The following POLB variants were observed in gnomAD, a reference collection of about 807,000 sequenced individuals.
POLB encodes the protein 5'-dRP lyase.
POLB carries 37 observed loss-of-function variants against 52.7 expected under a neutral mutation model. The observed-to-expected ratio is 0.70, with a 90% CI of 0.54 to 0.92. The LOEUF is 0.92. Among genes scored for constraint, POLB ranks in the 40% least tolerant of loss-of-function variants. The pLI is 0.00. For synonymous variants in POLB, 138 were observed against 131.3 expected (o/e 1.05, Z -0.35); for missense variants, 313 against 400.8 (o/e 0.78, Z 1.87).
At chr8:42,361,168 G>T in intron 9 of POLB, 127 bp from the exon 10 acceptor site, 1 of 732,222 alleles carries the variant, frequency 1.4e-6, no homozygotes, top group South Asian at 1.5e-5. Context: ...TTCTAACTAT[G>T]AAGCACAGTG....
Position 42,338,535 on chromosome 8 carries a change from C to A in POLB, c.-90C>A, listed in dbSNP as rs751312733. 6.8e-6 allele frequency: 8 copies of A among 1,185,154 alleles called. No homozygotes were observed. The highest frequency in any genetic ancestry group is 5.2e-5 in the Admixed American group (3 of 58,174). The allele number at this position is 1,185,154 out of a possible 1,614,324, so 73.4% of individuals were successfully genotyped here. On this transcript the variant is annotated 5_prime_UTR_variant, in exon 1 of 14. Transcript: ENST00000265421. The stretch of plus-strand genomic sequence containing the variant: ...CGCCGGAGCTGGGTTGCTCCTGCTC[C>A]CGTCTCCAAGTCCTGGTACCTCCTT...
chr8:42,342,330 G>C, intron 2 of POLB: 1 of 1,516,716 alleles, frequency 6.6e-7, no homozygotes, highest in Non-Finnish European at 9.0e-7. Flanking sequence ...CCAGCAGCAG[G>C]CCAGTACAAT....
chr8:42,358,767 G>T (rs1281353722), intron 9 of POLB, among the ~76,000 whole-genome samples: 1 of 152,112 alleles, frequency 6.6e-6, no homozygotes, highest in Non-Finnish European at 1.5e-5. Flanking sequence ...GGGGTCTGAG[G>T]CCAAATCTAC....
chr8:42,349,231 T>C (rs1822817252), intron 4 of POLB, 141 bp downstream of exon 4: 2 of 539,364 alleles, frequency 3.7e-6, no homozygotes, highest in Admixed American at 7.3e-5. Context: ...TGGCTTTAAC[T>C]TTTTGAATGT....
In POLB at chr8:42,349,989, CTTT is replaced by C; in HGVS notation, c.262-10_262-8del. 2 of 1,424,186 alleles carry C rather than the reference CTTT, an allele frequency of 1.4e-6. No individual in the cohort carries two copies. The highest frequency in any genetic ancestry group is 2.5e-5 in the East Asian group (1 of 40,790). 88.2% of individuals were successfully genotyped at this position (1,424,186 alleles called of 1,614,324 possible). On this transcript the variant is annotated splice_polypyrimidine_tract_variant and intron_variant, in intron 4 of 13. Transcript: ENST00000265421. Reference sequence around the variant, plus strand: ...AAAGCATTCCTAAATCATTGTTAGACTTTTTTTTTTCTTAAAGATTCGGCAGGA... The same window carrying C: ...AAAGCATTCCTAAATCATTGTTAGACTTTTTTTCTTAAAGATTCGGCAGGA...
At chr8:42,353,631 TATGTATACATATGGATTC>T (rs755253193) in intron 6 of POLB, among the ~76,000 whole-genome samples, 256 of 152,220 alleles carry the variant, frequency 1.7e-3, no homozygotes, top group Non-Finnish European at 2.5e-3. Context: ...TTCATGGGTG[TATGTATACATATGGATTC>T]ATTACAGCAT....
intron 3 of POLB, among the ~76,000 whole-genome samples, chr8:42,345,393 G>A (rs553169757): frequency 2.4e-4 from 37 of 152,288 alleles, no homozygotes; most frequent in African/African-American, 8.9e-4. Flanking sequence ...AGGAACCTAT[G>A]TGAGTTAGTG....
chr8:42,346,295 A>G (rs1822607609), intron 3 of POLB, among the ~76,000 whole-genome samples: 1 of 152,184 alleles, frequency 6.6e-6, no homozygotes, highest in Non-Finnish European at 1.5e-5. Flanking sequence ...AATGTTTCAC[A>G]AATGTCCTCT....
chr8:42,363,905 T>A (rs867407752), intron 11 of POLB, among the ~76,000 whole-genome samples: 2 of 150,568 alleles, frequency 1.3e-5, no homozygotes, highest in Non-Finnish European at 2.9e-5. Flanking sequence ...GGAAGGCAGA[T>A]AGAAATCTAG....
chr8:42,350,537 G>A (rs988990129), intron 5 of POLB, among the ~76,000 whole-genome samples: 2 of 151,932 alleles, frequency 1.3e-5, no homozygotes, highest in African/African-American at 2.4e-5. Context: ...TCAGCATCCC[G>A]AGTAGCTTGG....
At chr8:42,339,716 A>T in intron 2 of POLB, 1 of 149,388 alleles carries the variant, frequency 6.7e-6, no homozygotes. Context: ...CACCCAGCTA[A>T]TTTTTTTTTC....
At chr8:42,344,909 T>C (rs1822513332) in intron 2 of POLB, 44 bp from the exon 3 acceptor site, 18 of 1,209,316 alleles carry the variant, frequency 1.5e-5, no homozygotes, top group Non-Finnish European at 2.2e-5. Context: ...AATTAAGGCC[T>C]TGATGGATTT....
In POLB at chr8:42,369,278, G is replaced by A; in HGVS notation, c.716G>A (p.Cys239Tyr). 1 of 1,570,032 alleles carries A rather than the reference G, an allele frequency of 6.4e-7. No homozygotes were observed. The highest frequency in any genetic ancestry group is 8.8e-7 in the Non-Finnish European group (1 of 1,141,518). Residue 239 changes from cysteine (C) to tyrosine (Y), a missense_variant, in exon 12 of 14, where the codon TGC becomes TAC. Cys to Tyr is a radical substitution (Grantham distance 194, BLOSUM62 -2). This residue lies in a region of POLB where 246 missense variants were observed against 297.6 expected (regional missense o/e 0.83). Coordinates refer to ENST00000265421, the MANE Select transcript of POLB (RefSeq NM_002690.3). ...TTAAAATGTTCATTTTAGGGTGTTT[G>A]CCAGCTTCCCAGTAAAAATGATGAA... ...SKGETKFMGV[C>Y]QLPSKNDEKE...
intron 7 of POLB, 114 bp from the exon 8 acceptor site, chr8:42,357,055 T>G: frequency 1.3e-5 from 8 of 633,094 alleles, no homozygotes; most frequent in Non-Finnish European, 1.4e-5. Context: ...CTAGCCTTGA[T>G]TTGTGAGAAT....
At chr8:42,356,608 TA>T (rs944626049) in intron 7 of POLB, among the ~76,000 whole-genome samples, 4 of 151,878 alleles carry the variant, frequency 2.6e-5, no homozygotes, top group African/African-American at 9.7e-5. Context: ...TGCCTCCCCT[TA>T]CCCCCACCTC....
chr8:42,371,508 A>G (rs1346109445), intron 13 of POLB, 55 bp from the exon 14 acceptor site: 5 of 1,012,846 alleles, frequency 4.9e-6, no homozygotes, highest in African/African-American at 1.6e-5. Flanking sequence ...TGAACCCTCT[A>G]TAACTAAACT....
Position 42,339,146 on chromosome 8 carries a change from G to A in POLB, c.119+77G>A, listed in dbSNP as rs370994381. 171 of 1,091,980 alleles carry A rather than the reference G, an allele frequency of 1.6e-4. 1 individual carries two copies. In the African/African-American group the frequency reaches 2.4e-3, roughly 15 times the overall value. 67.6% of individuals were successfully genotyped at this position (1,091,980 alleles called of 1,614,324 possible). A position where few individuals can be genotyped will look rare whatever the true frequency, so the allele number is the denominator to read the frequency against. Reference sequence around the variant, plus strand: ...AGTGTGGCAATTAACAGGACTGAGGGCCCAGTGGATATTTGGTCCATCTGC... The same window carrying A: ...AGTGTGGCAATTAACAGGACTGAGGACCCAGTGGATATTTGGTCCATCTGC... On this transcript the variant is annotated intron_variant, in intron 2 of 13. Coordinates refer to ENST00000265421, the MANE Select transcript of POLB (RefSeq NM_002690.3).
At chr8:42,351,256 T>C (rs1292107352) in intron 5 of POLB, among the ~76,000 whole-genome samples, 2 of 152,214 alleles carry the variant, frequency 1.3e-5, no homozygotes, top group Non-Finnish European at 2.9e-5. Context: ...CAGAGCCAGA[T>C]TTGAACCCAT....
Position 42,357,152 on chromosome 8 carries a change from T to G in POLB, c.423-17T>G. The stretch of plus-strand genomic sequence containing the variant: ...AATTTTACGAAAATCTTTTGTCTAC[T>G]TATTCTGTCTTTATAGATATTTTGG... On this transcript the variant is annotated splice_polypyrimidine_tract_variant and intron_variant, in intron 7 of 13. Transcript: ENST00000265421. 1 of 1,398,844 alleles carries G rather than the reference T, an allele frequency of 7.1e-7. No individual in the cohort carries two copies. The highest frequency in any genetic ancestry group is 1.0e-6 in the Non-Finnish European group (1 of 997,496). 86.7% of individuals were successfully genotyped at this position (1,398,844 alleles called of 1,614,324 possible). A position where few individuals can be genotyped will look rare whatever the true frequency, so the allele number is the denominator to read the frequency against.
Sources: gnomAD v4.1 joint callset for allele counts (sites outside exome capture counted in the v4.1 genomes callset) on GRCh38, gnomAD v4.1.1 for gene constraint, gnomAD v4.1.1 regional missense constraint, MANE v1.5 for transcripts, NCBI Gene and HGNC (gene_info 2026-07-23, HGNC 2026-07-21) for gene names.